PCDH9: variants seen among roughly 807,000 people sequenced by gnomAD.
The protein encoded by PCDH9 is protocadherin 9.
Under a neutral mutation model 70.6 loss-of-function variants are expected in PCDH9, and 24 were observed. The observed-to-expected ratio is 0.34, with a 90% CI of 0.25 to 0.48. The LOEUF (loss-of-function observed/expected upper bound fraction) is 0.48, where lower values mean the gene tolerates loss of function less well. Among genes scored for constraint, PCDH9 ranks in the 20% least tolerant of loss-of-function variants. PCDH9 has a pLI of 0.99. For missense variants in PCDH9, 1,281 were observed against 1,503.6 expected, an observed-to-expected ratio of 0.85 and a Z score of 2.45; for synonymous variants, 562 against 558.5, an observed-to-expected ratio of 1.01 and a Z score of -0.09.
chr13:66,681,630 G>A (rs2078321092), intron 3 of PCDH9, among the ~76,000 whole-genome samples: 1 of 151,886 alleles, frequency 6.6e-6, no homozygotes, highest in Non-Finnish European at 1.5e-5. Context: ...CTGACTTCTA[G>A]GCTTTTGAAC....
intron 4 of PCDH9, among the ~76,000 whole-genome samples, chr13:66,507,897 AT>A (rs1379704949): frequency 1.3e-5 from 2 of 151,746 alleles, no homozygotes; most frequent in African/African-American, 2.4e-5. Context: ...AATTTTTTGT[AT>A]TTTTAGTAGA....
intron 4 of PCDH9, among the ~76,000 whole-genome samples, chr13:66,461,979 A>G (rs2138455278): frequency 6.6e-6 from 1 of 151,832 alleles, no homozygotes; most frequent in East Asian, 1.9e-4. Context: ...ACTTGTATTT[A>G]TTGAGTAATT....
intron 3 of PCDH9, among the ~76,000 whole-genome samples, chr13:66,880,925 C>G (rs1397196469): frequency 6.6e-6 from 1 of 152,178 alleles, no homozygotes; most frequent in Non-Finnish European, 1.5e-5. Context: ...ATTCAAATCC[C>G]AACTCCAATC....
chr13:67,154,592 A>AT (rs1566460074), intron 2 of PCDH9, among the ~76,000 whole-genome samples: 10 of 86,458 alleles, frequency 1.2e-4, no homozygotes, highest in South Asian at 4.2e-4. Flanking sequence ...AAAAAAAAAA[A>AT]AAAATATATA....
chr13:66,822,208 T>C (rs377549326), intron 3 of PCDH9, among the ~76,000 whole-genome samples: 1 of 152,020 alleles, frequency 6.6e-6, no homozygotes, highest in Non-Finnish European at 1.5e-5. Flanking sequence ...TATACATTCA[T>C]ATAAGATTTA....
At chr13:66,418,696 A>G (rs1940404418) in intron 4 of PCDH9, among the ~76,000 whole-genome samples, 1 of 152,214 alleles carries the variant, frequency 6.6e-6, no homozygotes, top group African/African-American at 2.4e-5. Flanking sequence ...AGCAAAAGCA[A>G]ACAAATTCAA....
intron 3 of PCDH9, among the ~76,000 whole-genome samples, chr13:66,836,087 T>A (rs2081012679): frequency 6.6e-6 from 1 of 152,132 alleles, no homozygotes; most frequent in African/African-American, 2.4e-5. Context: ...ACAGAATAGA[T>A]AGAAATAAAA....
chr13:66,907,776 A>T (rs2082388378), intron 2 of PCDH9, among the ~76,000 whole-genome samples: 1 of 152,188 alleles, frequency 6.6e-6, no homozygotes, highest in East Asian at 1.9e-4. Flanking sequence ...ATGCAGTAGC[A>T]ATGCTTAGTA....
intron 4 of PCDH9, among the ~76,000 whole-genome samples, chr13:66,425,970 T>C (rs1268461109): frequency 6.6e-6 from 1 of 151,618 alleles, no homozygotes; most frequent in Non-Finnish European, 1.5e-5. Flanking sequence ...CCATCTAAAA[T>C]ATAAATAATG....
At chr13:66,646,954 A>G (rs1467621447) in intron 3 of PCDH9, among the ~76,000 whole-genome samples, 1 of 152,156 alleles carries the variant, frequency 6.6e-6, no homozygotes, top group Non-Finnish European at 1.5e-5. Flanking sequence ...GCCCTGTCAC[A>G]GTGGAAAGCA....
At chr13:66,596,757 C>A (rs1593752268) in intron 4 of PCDH9, among the ~76,000 whole-genome samples, 1 of 150,794 alleles carries the variant, frequency 6.6e-6, no homozygotes, top group African/African-American at 2.4e-5. Flanking sequence ...TTATTCATTG[C>A]CTTACTGGAA....
intron 2 of PCDH9, among the ~76,000 whole-genome samples, chr13:67,165,313 G>C (rs2088080978): frequency 6.6e-6 from 1 of 151,924 alleles, no homozygotes; most frequent in South Asian, 2.1e-4. Context: ...TTGTTTATCT[G>C]ATTTTAAACA....
chr13:66,993,611 T>G (rs2084047169), intron 2 of PCDH9, among the ~76,000 whole-genome samples: 1 of 152,196 alleles, frequency 6.6e-6, no homozygotes, highest in South Asian at 2.1e-4. Flanking sequence ...TTTATCCTCC[T>G]CATACCTTGG....
chr13:66,708,154 A>G (rs2078739485), intron 3 of PCDH9, among the ~76,000 whole-genome samples: 1 of 150,796 alleles, frequency 6.6e-6, no homozygotes, highest in South Asian at 2.1e-4. Flanking sequence ...GGTTCACGCC[A>G]TTCTCCTGCC....
At chr13:66,756,925 C>T (rs151015597) in intron 3 of PCDH9, among the ~76,000 whole-genome samples, 2,889 of 152,210 alleles carry the variant, frequency 0.019, 87 homozygotes, top group African/African-American at 0.066. Flanking sequence ...CAACCTCTGC[C>T]TCCCGGGTTC....
chr13:66,730,891 GTTTCT>G (rs2079069233), intron 3 of PCDH9, among the ~76,000 whole-genome samples: 1 of 42,100 alleles, frequency 2.4e-5, no homozygotes, highest in Non-Finnish European at 4.5e-5. Context: ...TTTTTTGTTT[GTTTCT>G]TTTTTTTTGT....
chr13:66,830,248 A>T (rs1278014896), intron 3 of PCDH9, among the ~76,000 whole-genome samples: 1 of 152,200 alleles, frequency 6.6e-6, no homozygotes, highest in African/African-American at 2.4e-5. Context: ...CTGATTAGAC[A>T]GGTGGCTCAC....
intron 2 of PCDH9, among the ~76,000 whole-genome samples, chr13:66,954,951 G>A (rs2083244528): frequency 6.6e-6 from 1 of 152,100 alleles, no homozygotes; most frequent in South Asian, 2.1e-4. Flanking sequence ...TTTTAGTAGA[G>A]ACAGGGTTTC....
At chr13:66,630,385 A>G (rs888100100) in intron 4 of PCDH9, among the ~76,000 whole-genome samples, 2 of 152,206 alleles carry the variant, frequency 1.3e-5, no homozygotes, top group African/African-American at 2.4e-5. Context: ...TGGGGATAAT[A>G]ATTGATGAAA....
Sources: gnomAD v4.1 joint callset for allele counts (sites outside exome capture counted in the v4.1 genomes callset) on GRCh38, gnomAD v4.1.1 for gene constraint, MANE v1.5 for transcripts, NCBI Gene and HGNC (gene_info 2026-07-23, HGNC 2026-07-21) for gene names.